The following TBL1X variants were observed in gnomAD, a reference collection of about 807,000 sequenced individuals.
The protein encoded by TBL1X is F-box-like/WD repeat-containing protein TBL1X.
A neutral mutation model predicts 50.7 loss-of-function variants in TBL1X; 10 were observed. That is an observed-to-expected ratio of 0.20 (90% confidence interval 0.12 to 0.33). TBL1X has a LOEUF of 0.33. Among genes scored for constraint, TBL1X ranks in the 10% least tolerant of loss-of-function variants. The probability of loss-of-function intolerance (pLI) is 1.00; values close to 1 mark genes in which losing one functional copy is unlikely to be tolerated. For synonymous variants in TBL1X, 190 were observed against 214.7 expected (o/e 0.88, Z 1.01); for missense variants, 340 against 504.4 (o/e 0.67, Z 3.12).
chrX:9,509,969 T>A (rs1455075728), intron 2 of TBL1X, among the ~76,000 whole-genome samples: 1 of 111,219 alleles, frequency 9.0e-6, no homozygotes, highest in Non-Finnish European at 1.9e-5. Flanking sequence ...ACACTGTGAG[T>A]TGCTTCTAGA....
At chrX:9,628,768 A>G (rs1289129201) in intron 2 of TBL1X, among the ~76,000 whole-genome samples, 2 of 111,555 alleles carry the variant, frequency 1.8e-5, no homozygotes, top group Admixed American at 9.5e-5. Context: ...GGCTGGTCTC[A>G]AACTCCTGAC....
At chrX:9,585,191 A>C (rs1035553466) in intron 2 of TBL1X, among the ~76,000 whole-genome samples, 3 of 111,252 alleles carry the variant, frequency 2.7e-5, no homozygotes, top group Non-Finnish European at 5.7e-5. Flanking sequence ...ACTTGCCCTA[A>C]GTTTTCTAAG....
chrX:9,705,742 AAG>A (rs1423135612), intron 13 of TBL1X, among the ~76,000 whole-genome samples: 6 of 109,588 alleles, frequency 5.5e-5, no homozygotes, highest in Non-Finnish European at 1.1e-4. Context: ...AAAAAAAAAA[AAG>A]AAAAGAAATT....
intron 3 of TBL1X, chrX:9,645,437 T>A (rs2082799006): frequency 8.9e-6 from 1 of 112,005 alleles, no homozygotes; most frequent in Non-Finnish European, 1.9e-5. Context: ...AAGATACACA[T>A]GCAATTGGGA....
In TBL1X at chrX:9,688,112, A is replaced by T. The variant is rs765206780; in HGVS notation, c.453A>T (p.Arg151=). The T allele has an allele frequency of 3.6e-5, 44 of 1,208,719 alleles. No individual in the cohort carries two copies. The highest frequency in any genetic ancestry group is 4.9e-5 in the Non-Finnish European group (44 of 894,519). The change falls in exon 7 of 18, where the codon CGA becomes CGT. Residue 151 remains arginine, a synonymous_variant. Coordinates refer to ENST00000645353, the MANE Select transcript of TBL1X (RefSeq NM_005647.4). Reference sequence around the variant, plus strand: ...TGCAGACGCGGCAGCAGGCATTCCGAGAGAAGCTCGCTCAGCAGCAAGCCA... The same window carrying T: ...TGCAGACGCGGCAGCAGGCATTCCGTGAGAAGCTCGCTCAGCAGCAAGCCA... ...DVVQTRQQAF[R]EKLAQQQASA...
intron 2 of TBL1X, among the ~76,000 whole-genome samples, chrX:9,546,467 T>G (rs2082242769): frequency 9.0e-6 from 1 of 110,982 alleles, no homozygotes; most frequent in African/African-American, 3.3e-5. Flanking sequence ...GGAGTCGAGA[T>G]TGCACCACTG....
At chrX:9,569,201 G>C (rs111065342) in intron 2 of TBL1X, among the ~76,000 whole-genome samples, 2,897 of 106,578 alleles carry the variant, frequency 0.027, 49 homozygotes, top group Non-Finnish European at 0.043. Flanking sequence ...GCAGTGTACT[G>C]TGTGTGTGTG....
intron 3 of TBL1X, among the ~76,000 whole-genome samples, chrX:9,647,328 G>T (rs775687527): frequency 2.9e-3 from 323 of 112,148 alleles, no homozygotes; most frequent in Non-Finnish European, 5.1e-3. Context: ...GCCCATGCTC[G>T]TTTGTTCTTC....
intron 2 of TBL1X, among the ~76,000 whole-genome samples, chrX:9,551,645 GGAA>G (rs2082271700): frequency 9.0e-6 from 1 of 111,520 alleles, no homozygotes; most frequent in Non-Finnish European, 1.9e-5. Context: ...TGAAGAGGGG[GGAA>G]GAACTGTGTT....
intron 5 of TBL1X, among the ~76,000 whole-genome samples, chrX:9,658,752 A>G (rs2082879395): frequency 8.9e-6 from 1 of 111,822 alleles, no homozygotes; most frequent in South Asian, 3.7e-4. Flanking sequence ...AGCTGCCTGC[A>G]AGATAATCGG....
At chrX:9,527,622 A>G (rs189018800) in intron 2 of TBL1X, among the ~76,000 whole-genome samples, 1 of 111,083 alleles carries the variant, frequency 9.0e-6, no homozygotes, top group East Asian at 2.8e-4. Context: ...TTTGTTGTCA[A>G]TGGCCAGATA....
At chrX:9,466,585 C>G (rs2081776454) in intron 1 of TBL1X, among the ~76,000 whole-genome samples, 1 of 112,245 alleles carries the variant, frequency 8.9e-6, no homozygotes, top group Non-Finnish European at 1.9e-5. Flanking sequence ...TTTGACCTGC[C>G]TTTTGGATGT....
At chrX:9,688,835 C>T (rs897199821) in intron 7 of TBL1X, among the ~76,000 whole-genome samples, 5 of 113,496 alleles carry the variant, frequency 4.4e-5, no homozygotes, top group Non-Finnish European at 9.4e-5. Context: ...CCCGTAGGGA[C>T]GCCACTTCAG....
chrX:9,478,687 G>A (rs982600701), intron 1 of TBL1X, among the ~76,000 whole-genome samples: 2 of 112,249 alleles, frequency 1.8e-5, no homozygotes, highest in African/African-American at 6.5e-5. Context: ...TGTCAAATAC[G>A]CAGATTCCCA....
intron 2 of TBL1X, among the ~76,000 whole-genome samples, chrX:9,639,158 G>T (rs1348116668): frequency 9.1e-6 from 1 of 110,116 alleles, no homozygotes; most frequent in Non-Finnish European, 1.9e-5. Flanking sequence ...CCTGCTTGTA[G>T]GTTTTTTTTT....
intron 5 of TBL1X, among the ~76,000 whole-genome samples, chrX:9,665,575 T>C (rs1381817356): frequency 1.2e-5 from 1 of 82,766 alleles, no homozygotes; most frequent in Non-Finnish European, 2.3e-5. Flanking sequence ...TTGGATCTTG[T>C]TTAAGAAAAA....
intron 2 of TBL1X, among the ~76,000 whole-genome samples, chrX:9,633,731 T>G (rs7880785): frequency 0.039 from 4,380 of 112,103 alleles, 101 homozygotes; most frequent in African/African-American, 0.083. Flanking sequence ...CAGTAAAATC[T>G]CAGCTTATTA....
In TBL1X at chrX:9,584,081, T is replaced by C. The variant is rs1003987617; in HGVS notation, c.-130-56192T>C. Reference sequence around the variant, plus strand: ...TTCCCATTAGTAGAGGTCAGAGGTGTGACTGTGTTCCGCTGGCAGGAGCTC... The same window carrying C: ...TTCCCATTAGTAGAGGTCAGAGGTGCGACTGTGTTCCGCTGGCAGGAGCTC... On this transcript the variant is annotated intron_variant, in intron 2 of 17. Transcript: ENST00000645353. 3.6e-5 allele frequency among the ~76,000 whole-genome samples: 4 copies of C among 112,155 alleles called. No homozygotes were observed. In the Admixed American group the frequency reaches 3.8e-4, roughly 11 times the overall value.
At chrX:9,585,925 G>A (rs912915995) in intron 2 of TBL1X, among the ~76,000 whole-genome samples, 7 of 111,392 alleles carry the variant, frequency 6.3e-5, no homozygotes, top group African/African-American at 9.8e-5. Flanking sequence ...CCTCAATTTC[G>A]TCATCTTAAA....
Sources: gnomAD v4.1 joint callset for allele counts (sites outside exome capture counted in the v4.1 genomes callset) on GRCh38, gnomAD v4.1.1 for gene constraint, MANE v1.5 for transcripts, NCBI Gene and HGNC (gene_info 2026-07-23, HGNC 2026-07-21) for gene names.